The following SNPH variants were observed in gnomAD, a reference collection of about 807,000 sequenced individuals.
SNPH encodes the protein syntaphilin.
Under a neutral mutation model 36.8 loss-of-function variants are expected in SNPH, and 10 were observed. The ratio of observed to expected loss-of-function variants is 0.27; its 90% CI spans 0.17 to 0.46. The LOEUF is 0.46. Ranked by LOEUF, SNPH falls within the 20% of genes least tolerant of loss-of-function variation. SNPH has a pLI of 1.00. For synonymous variants in SNPH, 281 were observed against 312.2 expected, an observed-to-expected ratio of 0.90 and a Z score of 1.05; for missense variants, 622 against 744.0, an observed-to-expected ratio of 0.84 and a Z score of 1.91.
Position 1,266,627 on chromosome 20 carries a change from GTCTA to G in SNPH, c.-599-23_-599-20del. The G allele has an allele frequency of 2.7e-6, 4 of 1,482,776 alleles. No homozygotes were observed. Among genetic ancestry groups the G allele is most frequent in the Admixed American group, 2.5e-5 (1 of 39,858 alleles). The allele number at this position is 1,482,776 out of a possible 1,614,324, so 91.9% of individuals were successfully genotyped here. On this transcript the variant is annotated intron_variant, in intron 1 of 6. Coordinates refer to ENST00000381867, the MANE Select transcript of SNPH (RefSeq NM_001318234.2). This position sits in a 1 kb window ranked among gnomAD's most constrained non-coding sequence, Gnocchi z 6.0. ...TCCCCGCCCGCGCTCACCCGCCCCG[GTCTA>G]TCTCTTTTTCCTAACCCCGCAGGTC...
intron 2 of SNPH, among the ~76,000 whole-genome samples, chr20:1,288,773 C>T (rs185432391): frequency 1.3e-5 from 2 of 152,128 alleles, no homozygotes; most frequent in Admixed American, 6.5e-5. Flanking sequence ...AGGCACCCAC[C>T]ACCTCGTCCA....
chr20:1,296,238 C>T lies in SNPH; in HGVS notation c.-2C>T. On this transcript the variant is annotated 5_prime_UTR_variant, in exon 4 of 7. Coordinates refer to ENST00000381867, the MANE Select transcript of SNPH (RefSeq NM_001318234.2). The stretch of plus-strand genomic sequence containing the variant: ...TCCTGCCGAAGGGTGAGAAGAGAAG[C>T]CATGCCGGGCAGCGGCCCCAGCGAG... The T allele has an allele frequency of 6.6e-7, 1 of 1,516,728 alleles. No homozygotes were observed. The highest frequency in any genetic ancestry group is 8.8e-7 in the Non-Finnish European group (1 of 1,133,762). 94.0% of individuals were successfully genotyped at this position (1,516,728 alleles called of 1,614,324 possible).
At chr20:1,288,619 C>CTTTTTTTTTTTTTTT (rs201764007) in intron 2 of SNPH, among the ~76,000 whole-genome samples, 1 of 140,784 alleles carries the variant, frequency 7.1e-6, no homozygotes, top group Non-Finnish European at 1.6e-5. Flanking sequence ...ATTTCTTTTT[C>CTTTTTTTTTTTTTTT]TTTTTTTCTT....
At chr20:1,281,798 A>T (rs1285264685) in intron 2 of SNPH, among the ~76,000 whole-genome samples, 7 of 152,228 alleles carry the variant, frequency 4.6e-5, no homozygotes, top group Non-Finnish European at 2.9e-5. Context: ...CACAATAGAC[A>T]CTTGGTAAAT....
Position 1,305,720 on chromosome 20 carries a change from C to A in SNPH, c.1283C>A (p.Thr428Asn). The A allele has an allele frequency of 6.2e-7, 1 of 1,609,562 alleles. No homozygotes were observed. The highest frequency in any genetic ancestry group is 8.5e-7 in the Non-Finnish European group (1 of 1,177,904). ...EAPEPITRGP[T>N]PQRPGANPNP... ...CCAGAGCCCATCACCCGTGGACCCA[C>A]CCCACAGCGGCCTGGTGCCAACCCC... is the stretch of plus-strand genomic sequence containing the variant. Residue 428 changes from threonine (T) to asparagine (N), a missense_variant, in exon 7 of 7, where the codon ACC becomes AAC. Thr to Asn is a moderately conservative substitution (Grantham distance 65). This residue lies in a region of SNPH where 379 missense variants were observed against 427.9 expected (regional missense o/e 0.89). Transcript: ENST00000381867.
chr20:1,300,693 A>G lies in SNPH; in HGVS notation c.422A>G (p.Gln141Arg), dbSNP rs1260677966. The part of the protein sequence containing the change: ...RHLKARLKDT[Q>R]DRLQDRDTEI... ...CTGAAAGCCCGGCTGAAGGACACACAGGACCGGCTCCAGGACCGGTGAGCG... is the reference window on the plus strand; with the variant it reads ...CTGAAAGCCCGGCTGAAGGACACACGGGACCGGCTCCAGGACCGGTGAGCG... Residue 141 changes from glutamine (Q) to arginine (R), a missense_variant, in exon 6 of 7, where the codon CAG becomes CGG. Gln to Arg is a conservative substitution (Grantham distance 43). Transcript: ENST00000381867. The G allele has an allele frequency of 8.1e-6, 13 of 1,611,770 alleles. No homozygotes were observed. The highest frequency in any genetic ancestry group is 1.1e-5 in the Non-Finnish European group (13 of 1,179,862).
intron 2 of SNPH, among the ~76,000 whole-genome samples, chr20:1,292,430 T>C (rs1397794763): frequency 6.6e-6 from 1 of 152,232 alleles, no homozygotes; most frequent in African/African-American, 2.4e-5. Context: ...GCTCTGATTT[T>C]TACCTAATCT....
chr20:1,266,484 TG>T lies in SNPH; in HGVS notation c.-600+92del. Reference sequence around the variant, plus strand: ...GAGTGCCGAGTGCCAGGGGGTGGGGTGGGGGCCGCGGGCCGCGAGGAGGAGG... The same window carrying T: ...GAGTGCCGAGTGCCAGGGGGTGGGGTGGGGCCGCGGGCCGCGAGGAGGAGG... On this transcript the variant is annotated intron_variant, in intron 1 of 6. Transcript: ENST00000381867. The surrounding 1 kb of genome is among the most constrained non-coding windows in gnomAD (Gnocchi z 6.0). 1.0e-6 allele frequency: 1 copy of T among 989,480 alleles called. No homozygotes were observed. Among genetic ancestry groups the T allele is most frequent in the Non-Finnish European group, 1.4e-6 (1 of 730,492 alleles). The allele number at this position is 989,480 out of a possible 1,614,324, so 61.3% of individuals were successfully genotyped here.
intron 4 of SNPH, among the ~76,000 whole-genome samples, chr20:1,296,718 A>C (rs1273113109): frequency 6.6e-6 from 1 of 152,178 alleles, no homozygotes; most frequent in Non-Finnish European, 1.5e-5. Context: ...TCATCCACTC[A>C]GACTCACTTG....
In SNPH at chr20:1,297,537, T is replaced by C. The variant is rs372010529; in HGVS notation, c.290+285T>C. Among the ~76,000 whole-genome samples, 6 of 152,284 alleles carry C rather than the reference T, an allele frequency of 3.9e-5. No individual in the cohort carries two copies. The East Asian group carries it at 9.6e-4, about 24-fold the overall frequency. ...CAGGGGTCAGCAGCTCCCTGAAGTG[T>C]CAGGGACCCTGTGTCTTCTCCCGCT... is the stretch of plus-strand genomic sequence containing the variant. On this transcript the variant is annotated intron_variant, in intron 5 of 6. Transcript: ENST00000381867.
chr20:1,284,212 A>ACT (rs1033326344), intron 2 of SNPH, among the ~76,000 whole-genome samples: 3 of 152,208 alleles, frequency 2.0e-5, no homozygotes, highest in Admixed American at 1.3e-4. Flanking sequence ...TAAATAGAAC[A>ACT]CTGTGTGTAG....
In SNPH at chr20:1,304,360, G is replaced by A. The variant is rs1421003863; in HGVS notation, c.441-518G>A. Among the ~76,000 whole-genome samples, 1 of 152,046 alleles carries A rather than the reference G, an allele frequency of 6.6e-6. No individual in the cohort carries two copies. Among genetic ancestry groups the A allele is most frequent in the Non-Finnish European group, 1.5e-5 (1 of 68,020 alleles). On this transcript the variant is annotated intron_variant, in intron 6 of 6. Transcript: ENST00000381867. The surrounding 1 kb of genome is among the most constrained non-coding windows in gnomAD (Gnocchi z 4.3). ...TTGAAAGCTGTCATTTCTCTCCCCT[G>A]GGGTCTCTGGCCAAATATTCCTCCA...
Position 1,301,306 on chromosome 20 carries a change from C to A in SNPH, c.440+595C>A, listed in dbSNP as rs548848460. ...CTCATTCTCAAGTGCTTAATCCCAA[C>A]CCTCCCAGCTTCTACCCTCCAAGCC... On this transcript the variant is annotated intron_variant, in intron 6 of 6. Transcript: ENST00000381867. Among the ~76,000 whole-genome samples, 70 of 152,218 alleles carry A rather than the reference C, an allele frequency of 4.6e-4. 1 individual carries two copies. Among genetic ancestry groups the A allele is most frequent in the African/African-American group, 1.3e-3 (55 of 41,532 alleles).
intron 6 of SNPH, among the ~76,000 whole-genome samples, chr20:1,301,026 T>C (rs926142204): frequency 6.6e-6 from 1 of 152,240 alleles, no homozygotes; most frequent in Admixed American, 6.5e-5. Context: ...GGCTGCTTCT[T>C]TTCCTCTGGC....
chr20:1,286,838 GGGCTTTGTCTGT>G (rs2088289745), intron 2 of SNPH, among the ~76,000 whole-genome samples: 1 of 152,164 alleles, frequency 6.6e-6, no homozygotes, highest in African/African-American at 2.4e-5. Context: ...GGCTGGGTGG[GGGCTTTGTCTGT>G]GGAAAGGGGC....
rs1267697442 is a variant in SNPH at position 1,266,547 on chromosome 20, C to T, written c.-599-107C>T. On this transcript the variant is annotated intron_variant, in intron 1 of 6. Coordinates refer to ENST00000381867, the MANE Select transcript of SNPH (RefSeq NM_001318234.2). This position sits in a 1 kb window ranked among gnomAD's most constrained non-coding sequence, Gnocchi z 6.0. ...CCGGCAGGCAGCCTGCCCTCCAAGC[C>T]TTCTGGCTGCAGCGGCCCAGCTGTC... 7.3e-7 allele frequency: 1 copy of T among 1,370,444 alleles called. No individual in the cohort carries two copies. Among genetic ancestry groups the T allele is most frequent in the Non-Finnish European group, 9.4e-7 (1 of 1,062,684 alleles). 84.9% of individuals were successfully genotyped at this position (1,370,444 alleles called of 1,614,324 possible). A position where few individuals can be genotyped will look rare whatever the true frequency, so the allele number is the denominator to read the frequency against.
intron 2 of SNPH, among the ~76,000 whole-genome samples, chr20:1,288,757 G>A (rs2088315069): frequency 6.6e-6 from 1 of 151,886 alleles, no homozygotes; most frequent in Admixed American, 6.6e-5. Flanking sequence ...GAGTAACTGA[G>A]ATTACAGGCA....
chr20:1,300,758 A>G, intron 6 of SNPH, 47 bp downstream of exon 6: 1 of 1,560,110 alleles, frequency 6.4e-7, no homozygotes, highest in Non-Finnish European at 8.7e-7. Context: ...CACCAGCTCC[A>G]CACTCAGGGA....
chr20:1,267,351 C>A (rs1162077403), intron 2 of SNPH, among the ~76,000 whole-genome samples: 3 of 152,194 alleles, frequency 2.0e-5, no homozygotes, highest in African/African-American at 7.2e-5. Flanking sequence ...ACCTACTAGC[C>A]TGGGGAGCCC....
Sources: allele counts gnomAD v4.1 joint callset (sites outside exome capture counted in the v4.1 genomes callset), GRCh38; gene constraint gnomAD v4.1.1; regional missense constraint gnomAD v4.1.1; non-coding constraint Gnocchi (gnomAD v3.1); transcripts MANE v1.5; gene names NCBI Gene and HGNC (gene_info 2026-07-23, HGNC 2026-07-21).